The following SLC14A2 variants were observed in gnomAD, a reference collection of about 807,000 sequenced individuals.
SLC14A2 encodes urea transporter 2.
In SLC14A2, 91 loss-of-function variants were observed where a neutral mutation model predicts 104.6. The ratio of observed to expected loss-of-function variants is 0.87; its 90% CI spans 0.73 to 1.04. SLC14A2 has a LOEUF of 1.04. Among genes scored for constraint, SLC14A2 ranks in the 50% least tolerant of loss-of-function variants. SLC14A2 has a pLI of 0.00. For missense variants in SLC14A2, 1,189 were observed against 1,156.0 expected (o/e 1.03, Z -0.41); for synonymous variants, 476 against 466.4 (o/e 1.02, Z -0.27).
chr18:45,372,555 C>A (rs1298136922), intron 1 of SLC14A2, among the ~76,000 whole-genome samples: 2 of 152,168 alleles, frequency 1.3e-5, no homozygotes, highest in African/African-American at 4.8e-5. Flanking sequence ...AGAGGAGACA[C>A]AGAGTCGCTG....
At chr18:45,232,514 T>C (rs1187070729) in intron 1 of SLC14A2, among the ~76,000 whole-genome samples, 4 of 152,214 alleles carry the variant, frequency 2.6e-5, no homozygotes, top group Non-Finnish European at 4.4e-5. Flanking sequence ...AACTTGTCTA[T>C]ACCCATTGTT....
chr18:45,300,838 C>T (rs911146196), intron 1 of SLC14A2, among the ~76,000 whole-genome samples: 4 of 152,114 alleles, frequency 2.6e-5, no homozygotes, highest in African/African-American at 9.7e-5. Context: ...GGATTTCAAC[C>T]CAGTGATGTC....
At chr18:45,232,122 T>A (rs1357976024) in intron 1 of SLC14A2, among the ~76,000 whole-genome samples, 2 of 152,070 alleles carry the variant, frequency 1.3e-5, no homozygotes. Context: ...ATTCTCACAC[T>A]GCTAGCAAGA....
chr18:45,230,778 G>A (rs2084167099), intron 1 of SLC14A2, among the ~76,000 whole-genome samples: 1 of 152,172 alleles, frequency 6.6e-6, no homozygotes, highest in East Asian at 1.9e-4. Context: ...ATGTTGAACT[G>A]AATCCAGTTC....
Position 45,280,927 on chromosome 18 carries a change from C to A in SLC14A2, c.-125+67736C>A, listed in dbSNP as rs555003161. On this transcript the variant is annotated intron_variant, in intron 1 of 20. Transcript: ENST00000586448. ...TATCTTTCCTTCCTTTCTCTCTCCT[C>A]CCTCCACTTCGAAAAGAATTCCTGT... Among the ~76,000 whole-genome samples the A allele has an allele frequency of 2.4e-4, 37 of 152,194 alleles. 1 individual carries two copies. In the South Asian group the frequency reaches 6.2e-3, roughly 26 times the overall value.
At chr18:45,452,004 C>A (rs2086865529) in intron 1 of SLC14A2, among the ~76,000 whole-genome samples, 1 of 151,996 alleles carries the variant, frequency 6.6e-6, no homozygotes, top group African/African-American at 2.4e-5. Flanking sequence ...GTAATCAAGA[C>A]AAATCATCTT....
At chr18:45,179,441 C>T in the SLC14A2 span, among the ~76,000 whole-genome samples, 1 of 152,136 alleles carries the variant, frequency 6.6e-6, no homozygotes, top group African/African-American at 2.4e-5. Flanking sequence ...TTAGCTCTGG[C>T]AGTTTCTTAA....
At chr18:45,493,022 C>T (rs2302840) in intron 2 of SLC14A2, 24,366 of 152,110 alleles carry the variant, frequency 0.16, 2,095 homozygotes, top group African/African-American at 0.22. Flanking sequence ...CCACACTCAC[C>T]TCTCTTTGGG....
chr18:45,396,959 C>T (rs2086040604), intron 1 of SLC14A2, among the ~76,000 whole-genome samples: 1 of 152,106 alleles, frequency 6.6e-6, no homozygotes, highest in Admixed American at 6.6e-5. Flanking sequence ...AATGTATTAG[C>T]CTCCAGCTCC....
chr18:45,469,913 G>C (rs2087215442), intron 1 of SLC14A2, among the ~76,000 whole-genome samples: 1 of 152,186 alleles, frequency 6.6e-6, no homozygotes, highest in Admixed American at 6.5e-5. Context: ...GCTATGAAAG[G>C]AATGGTAGCA....
intron 1 of SLC14A2, among the ~76,000 whole-genome samples, chr18:45,482,093 T>A (rs76244138): frequency 0.075 from 11,424 of 152,178 alleles, 557 homozygotes; most frequent in East Asian, 0.21. Flanking sequence ...GATTGGGGAA[T>A]AACATACCAA....
rs56070611 is a variant in SLC14A2, at chr18:45,582,487, TA to T, written c.-34-42135del. Among the ~76,000 whole-genome samples the T allele has an allele frequency of 3.2e-4, 48 of 151,660 alleles. 1 individual carries two copies. The highest frequency in any genetic ancestry group is 1.7e-3 in the East Asian group (9 of 5,182). ...GTGATACTGACAAAAGCCATATCAA[TA>T]AAAAAAAATTCATTTCAAGTTTATT... On this transcript the variant is annotated intron_variant, in intron 2 of 20. Transcript: ENST00000586448.
At chr18:45,175,815 A>AG in the SLC14A2 span, among the ~76,000 whole-genome samples, 2 of 152,164 alleles carry the variant, frequency 1.3e-5, no homozygotes, top group African/African-American at 4.8e-5. Flanking sequence ...TTGTTTGTTC[A>AG]GGGGAGTAAA....
intron 2 of SLC14A2, among the ~76,000 whole-genome samples, chr18:45,585,892 G>T (rs549289190): frequency 6.6e-6 from 1 of 152,124 alleles, no homozygotes; most frequent in Non-Finnish European, 1.5e-5. Context: ...ACCCTATCTC[G>T]CACTTAGAGC....
At chr18:45,314,794 A>G (rs78571654) in intron 1 of SLC14A2, among the ~76,000 whole-genome samples, 3,099 of 152,326 alleles carry the variant, frequency 0.02, 43 homozygotes, top group South Asian at 0.048. Context: ...AGTACTAGCA[A>G]TAAAGCAACC....
At chr18:45,234,996 T>TA (rs1163208296) in intron 1 of SLC14A2, among the ~76,000 whole-genome samples, 3 of 152,138 alleles carry the variant, frequency 2.0e-5, no homozygotes, top group Admixed American at 6.5e-5. Flanking sequence ...TTTTCTTTTT[T>TA]AAAAAAACAA....
At chr18:45,459,969 G>T (rs2087014048) in intron 1 of SLC14A2, among the ~76,000 whole-genome samples, 1 of 152,104 alleles carries the variant, frequency 6.6e-6, no homozygotes, top group South Asian at 2.1e-4. Flanking sequence ...TTCCCACCAG[G>T]TACCTGGGGC....
chr18:45,682,323 G>T lies in SLC14A2; in HGVS notation c.2567G>T (p.Gly856Val). 1 of 1,614,064 alleles carries T rather than the reference G, an allele frequency of 6.2e-7. No homozygotes were observed. The highest frequency in any genetic ancestry group is 8.5e-7 in the Non-Finnish European group (1 of 1,179,978). ...AALANMLSVFGLPPCTWPFCL... is the reference protein window; with the variant it reads ...AALANMLSVFVLPPCTWPFCL... The stretch of plus-strand genomic sequence containing the variant: ...ATCTGTGTTCTTTCTCTCCAGTTTG[G>T]ATTGCCGCCCTGCACTTGGCCCTTC... Residue 856 changes from glycine to valine, a missense_variant, in exon 20 of 20, where the codon GGA (glycine) becomes GTA (valine). Gly to Val is a moderately radical substitution (Grantham distance 109, BLOSUM62 -3). Coordinates refer to ENST00000255226, the MANE Select transcript of SLC14A2 (RefSeq NM_007163.4).
chr18:45,417,914 T>C (rs1351975751), intron 1 of SLC14A2, among the ~76,000 whole-genome samples: 1 of 152,174 alleles, frequency 6.6e-6, no homozygotes, highest in East Asian at 1.9e-4. Flanking sequence ...ATTGCCAACT[T>C]CTAACACTCT....
Sources: gnomAD v4.1 joint callset for allele counts (sites outside exome capture counted in the v4.1 genomes callset) on GRCh38, gnomAD v4.1.1 for gene constraint, MANE v1.5 for transcripts, NCBI Gene and HGNC (gene_info 2026-07-23, HGNC 2026-07-21) for gene names.